TMEM232: variants seen among roughly 807,000 people sequenced by gnomAD.
TMEM232 encodes transmembrane protein 232.
A neutral mutation model predicts 78.8 loss-of-function variants in TMEM232; 80 were observed. That is an observed-to-expected ratio of 1.01 (90% CI 0.85 to 1.22). TMEM232 has a LOEUF of 1.22. Ranked by LOEUF, TMEM232 falls within the 50% of genes most tolerant of loss-of-function variation. The pLI, the probability that TMEM232 is intolerant of heterozygous loss-of-function variation, is 0.00. For synonymous variants in TMEM232, 297 were observed against 254.3 expected (o/e 1.17, Z -1.60); for missense variants, 881 against 742.2 (o/e 1.19, Z -2.17).
At chr5:110,479,395 G>A (rs985831513) in intron 12 of TMEM232, among the ~76,000 whole-genome samples, 1 of 151,538 alleles carries the variant, frequency 6.6e-6, no homozygotes, top group Non-Finnish European at 1.5e-5. Flanking sequence ...ACAACAACCA[G>A]ATAAGGAAAT....
intron 1 of TMEM232, among the ~76,000 whole-genome samples, chr5:110,671,363 A>C (rs535450988): frequency 2.0e-5 from 3 of 152,200 alleles, no homozygotes; most frequent in Non-Finnish European, 4.4e-5. Context: ...ATCTAGAATC[A>C]GAAATACCAT....
intron 11 of TMEM232, among the ~76,000 whole-genome samples, chr5:110,541,004 A>C (rs1297977877): frequency 3.3e-5 from 5 of 152,204 alleles, no homozygotes; most frequent in Admixed American, 2.6e-4. Flanking sequence ...AGCCAAAGGC[A>C]CAACCTTCAG....
chr5:110,444,305 G>A (rs917106755), intron 12 of TMEM232, among the ~76,000 whole-genome samples: 2 of 152,076 alleles, frequency 1.3e-5, no homozygotes, highest in South Asian at 4.1e-4. Flanking sequence ...CTCCTTCCCT[G>A]TGTGGGCGCT....
chr5:110,470,941 C>A (rs530435015), intron 12 of TMEM232, among the ~76,000 whole-genome samples: 19 of 152,042 alleles, frequency 1.2e-4, no homozygotes, highest in African/African-American at 3.1e-4. Context: ...AAATAATGAC[C>A]TTAAGGAAAC....
chr5:110,485,221 C>G (rs888922615), intron 12 of TMEM232, among the ~76,000 whole-genome samples: 3 of 152,104 alleles, frequency 2.0e-5, no homozygotes, highest in Admixed American at 6.6e-5. Context: ...TAACAAGGAA[C>G]AGAAGACTTG....
intron 2 of TMEM232, among the ~76,000 whole-genome samples, chr5:110,732,577 G>C (rs1460407562): frequency 6.6e-6 from 1 of 152,178 alleles, no homozygotes; most frequent in African/African-American, 2.4e-5. Context: ...AAGCCCATCA[G>C]ATTTTGTGAG....
intron 1 of TMEM232, among the ~76,000 whole-genome samples, chr5:110,707,500 T>C (rs1015784735): frequency 3.3e-5 from 5 of 152,218 alleles, no homozygotes; most frequent in Non-Finnish European, 5.9e-5. Context: ...ATCCCAGCAG[T>C]TGGAATTTGA....
intron 2 of TMEM232, among the ~76,000 whole-genome samples, chr5:110,665,370 T>A (rs2150121842): frequency 6.6e-6 from 1 of 152,252 alleles, no homozygotes; most frequent in South Asian, 2.1e-4. Flanking sequence ...ATTAGTCCGT[T>A]CTCACACTGC....
At chr5:110,661,058 G>T (rs974243023) in intron 2 of TMEM232, among the ~76,000 whole-genome samples, 6 of 152,052 alleles carry the variant, frequency 3.9e-5, no homozygotes, top group Admixed American at 3.3e-4. Flanking sequence ...ATTTATTTTA[G>T]CACACACATG....
chr5:110,429,399 A>G (rs1243251394), intron 12 of TMEM232, among the ~76,000 whole-genome samples: 2 of 151,784 alleles, frequency 1.3e-5, no homozygotes, highest in African/African-American at 4.8e-5. Flanking sequence ...AGGGGGGATA[A>G]TATATTTCTT....
intron 1 of TMEM232, among the ~76,000 whole-genome samples, chr5:110,679,058 T>C (rs138098996): frequency 2.6e-5 from 4 of 152,320 alleles, no homozygotes; most frequent in South Asian, 2.1e-4. Context: ...CTGTACCTTA[T>C]GGTAAGAGTA....
At chr5:110,633,603 T>C (rs1053349287) in intron 5 of TMEM232, among the ~76,000 whole-genome samples, 1 of 152,126 alleles carries the variant, frequency 6.6e-6, no homozygotes, top group Non-Finnish European at 1.5e-5. Flanking sequence ...TTATAAGTCT[T>C]TGGAAGTTCA....
At position 110,527,421 on chromosome 5, in the gene TMEM232, A is replaced by C. The variant is rs189003447; in HGVS notation, c.1703+1167T>G. Among the ~76,000 whole-genome samples the C allele has an allele frequency of 2.8e-3, 431 of 152,060 alleles. 7 individuals carry two copies. The highest frequency in any genetic ancestry group is 9.8e-3 in the African/African-American group (408 of 41,528). On this transcript the variant is annotated intron_variant, in intron 12 of 13. Transcript: ENST00000455884. ...TGATAATACCTTAGTCAAGTGAAAA[A>C]TAAATAATAAATACATAAGAAAGTA...
intron 2 of TMEM232, among the ~76,000 whole-genome samples, chr5:110,649,695 T>C (rs1417342836): frequency 6.6e-6 from 1 of 152,164 alleles, no homozygotes; most frequent in Non-Finnish European, 1.5e-5. Flanking sequence ...CTACTAGCAT[T>C]CCTGAGAATC....
At chr5:110,516,832 A>C (rs1481321095) in intron 12 of TMEM232, among the ~76,000 whole-genome samples, 1 of 151,992 alleles carries the variant, frequency 6.6e-6, no homozygotes, top group African/African-American at 2.4e-5. Context: ...TAAAAACACA[A>C]GGAAATTTTT....
At chr5:110,612,968 C>A (rs186596842) in intron 8 of TMEM232, among the ~76,000 whole-genome samples, 1 of 152,122 alleles carries the variant, frequency 6.6e-6, no homozygotes, top group African/African-American at 2.4e-5. Context: ...TAAAATTTAA[C>A]TGCGTTAAGT....
intron 11 of TMEM232, among the ~76,000 whole-genome samples, chr5:110,563,733 A>C (rs1164807486): frequency 1.3e-5 from 2 of 151,938 alleles, no homozygotes; most frequent in Non-Finnish European, 2.9e-5. Flanking sequence ...AGTGACCATC[A>C]CTGAAACAAA....
chr5:110,559,119 C>CT (rs138124159), intron 11 of TMEM232, among the ~76,000 whole-genome samples: 1,875 of 152,184 alleles, frequency 0.012, 37 homozygotes, highest in African/African-American at 0.043. Context: ...CCTTTTCGGA[C>CT]TTTTCTGGGT....
chr5:110,535,849 C>T (rs546677286), intron 11 of TMEM232, among the ~76,000 whole-genome samples: 3 of 152,222 alleles, frequency 2.0e-5, no homozygotes, highest in East Asian at 1.9e-4. Flanking sequence ...AACCTAAAGC[C>T]GATTCTCACT....
Sources: gnomAD v4.1 joint callset for allele counts (sites outside exome capture counted in the v4.1 genomes callset) on GRCh38, gnomAD v4.1.1 for gene constraint, MANE v1.5 for transcripts, NCBI Gene and HGNC (gene_info 2026-07-23, HGNC 2026-07-21) for gene names.